The following WDR70 variants were observed in gnomAD, a reference collection of about 807,000 sequenced individuals.
The protein encoded by WDR70 is WD repeat-containing protein 70.
In WDR70, 53 loss-of-function variants were observed where a neutral mutation model predicts 88.6. That is an observed-to-expected ratio of 0.60 (90% CI 0.48 to 0.75). WDR70 has a LOEUF of 0.75. Among genes scored for constraint, WDR70 ranks in the 30% least tolerant of loss-of-function variants. The pLI is 0.00. For synonymous variants in WDR70, 280 were observed against 270.0 expected (o/e 1.04, Z -0.36); for missense variants, 610 against 823.2 (o/e 0.74, Z 3.17).
intron 9 of WDR70, among the ~76,000 whole-genome samples, chr5:37,528,799 C>A (rs1320410523): frequency 6.6e-6 from 1 of 151,928 alleles, no homozygotes; most frequent in East Asian, 1.9e-4. Context: ...TTTTGCTGTG[C>A]AGAAGGTTTT....
intron 10 of WDR70, among the ~76,000 whole-genome samples, chr5:37,618,723 A>G (rs982541072): frequency 3.3e-5 from 5 of 152,112 alleles, no homozygotes; most frequent in African/African-American, 7.2e-5. Flanking sequence ...GAGTTTGGAT[A>G]CTCTTCTGAG....
At chr5:37,677,426 T>C (rs1253869041) in intron 10 of WDR70, among the ~76,000 whole-genome samples, 1 of 152,218 alleles carries the variant, frequency 6.6e-6, no homozygotes, top group Admixed American at 6.5e-5. Flanking sequence ...GAGATTCCGG[T>C]ATGTTGTCTC....
chr5:37,513,239 G>A (rs1437622022), intron 8 of WDR70, among the ~76,000 whole-genome samples: 1 of 152,148 alleles, frequency 6.6e-6, no homozygotes, highest in Non-Finnish European at 1.5e-5. Context: ...GAACAATGTG[G>A]TGGGCCATGT....
intron 9 of WDR70, among the ~76,000 whole-genome samples, chr5:37,526,985 A>C (rs555322058): frequency 1.3e-5 from 2 of 152,242 alleles, no homozygotes; most frequent in Non-Finnish European, 2.9e-5. Flanking sequence ...GAAAGAGGAC[A>C]CAAAGAAATG....
chr5:37,416,900 G>C (rs1196775398), intron 5 of WDR70, among the ~76,000 whole-genome samples: 1 of 152,166 alleles, frequency 6.6e-6, no homozygotes, highest in Non-Finnish European at 1.5e-5. Context: ...AAGCTGAGAA[G>C]CTAATACTCC....
chr5:37,513,887 G>A (rs1020795534), intron 8 of WDR70, among the ~76,000 whole-genome samples: 1 of 151,962 alleles, frequency 6.6e-6, no homozygotes, highest in Non-Finnish European at 1.5e-5. Flanking sequence ...CACCCCCACA[G>A]ACACACCCAG....
In WDR70 at chr5:37,699,360, AGTGT is replaced by A. The variant is rs377366011; in HGVS notation, c.1192+1617_1192+1620del. On this transcript the variant is annotated intron_variant, in intron 11 of 17. Coordinates refer to ENST00000265107, the MANE Select transcript of WDR70 (RefSeq NM_018034.4). ...CACACACACACACACACACACACAC[AGTGT>A]GTGTGTGTGTATATATATGTATGTG... Among the ~76,000 whole-genome samples the A allele has an allele frequency of 2.4e-5, 3 of 125,948 alleles. No homozygotes were observed. In the South Asian group the frequency reaches 7.9e-4, roughly 33 times the overall value. The allele number at this position is 125,948 out of a possible 152,430, so 82.6% of individuals were successfully genotyped here.
At chr5:37,440,647 C>G (rs4869506) in intron 6 of WDR70, among the ~76,000 whole-genome samples, 1 of 152,172 alleles carries the variant, frequency 6.6e-6, no homozygotes, top group African/African-American at 2.4e-5. Flanking sequence ...GCCCAGCCTC[C>G]GAGCTCTGTT....
At chr5:37,473,501 C>A (rs1248164308) in intron 7 of WDR70, among the ~76,000 whole-genome samples, 2 of 151,918 alleles carry the variant, frequency 1.3e-5, no homozygotes, top group African/African-American at 4.8e-5. Context: ...TGCCATCACG[C>A]TCAGCTAATT....
intron 5 of WDR70, among the ~76,000 whole-genome samples, chr5:37,410,651 C>T (rs1749495620): frequency 6.6e-6 from 1 of 152,070 alleles, no homozygotes. Context: ...CCTGTGTCTT[C>T]TAATGCAATA....
chr5:37,674,119 T>G (rs1746121875), intron 10 of WDR70, among the ~76,000 whole-genome samples: 1 of 152,136 alleles, frequency 6.6e-6, no homozygotes, highest in African/African-American at 2.4e-5. Context: ...TTAATATTCC[T>G]TTAGATATGT....
intron 7 of WDR70, among the ~76,000 whole-genome samples, chr5:37,479,121 C>T (rs1027030260): frequency 6.6e-6 from 1 of 152,000 alleles, no homozygotes; most frequent in Non-Finnish European, 1.5e-5. Flanking sequence ...AGGTTCATTT[C>T]TACCATTGTA....
chr5:37,617,659 G>A (rs899905288), intron 10 of WDR70, among the ~76,000 whole-genome samples: 18 of 152,042 alleles, frequency 1.2e-4, no homozygotes, highest in African/African-American at 4.3e-4. Context: ...CCTTACCTTT[G>A]GATCTGTTGG....
chr5:37,712,694 A>T (rs905003596), intron 13 of WDR70, among the ~76,000 whole-genome samples: 2 of 152,062 alleles, frequency 1.3e-5, no homozygotes, highest in Non-Finnish European at 2.9e-5. Context: ...TTAAAAAAAA[A>T]CTTTTTAATT....
intron 9 of WDR70, among the ~76,000 whole-genome samples, chr5:37,533,233 G>C (rs1048185205): frequency 3.9e-5 from 6 of 152,298 alleles, no homozygotes; most frequent in Middle Eastern, 3.4e-3. Flanking sequence ...ATTTTGTGTT[G>C]GTTGGCCTCC....
In WDR70 at chr5:37,566,092, C is replaced by T. The variant is rs75020454; in HGVS notation, c.918-38972C>T. 5.9e-3 allele frequency among the ~76,000 whole-genome samples: 905 copies of T among 152,124 alleles called. 10 individuals carry two copies. Among genetic ancestry groups the T allele is most frequent in the African/African-American group, 0.021 (859 of 41,516 alleles). Reference sequence around the variant, plus strand: ...AGTTTCATCTCTCCAAAATGAAACCCTGTATTCCTTAGCAGTCACACGCCA... The same window carrying T: ...AGTTTCATCTCTCCAAAATGAAACCTTGTATTCCTTAGCAGTCACACGCCA... On this transcript the variant is annotated intron_variant, in intron 9 of 17. Transcript: ENST00000265107.
At chr5:37,699,035 G>A (rs1028155957) in intron 11 of WDR70, among the ~76,000 whole-genome samples, 1 of 152,044 alleles carries the variant, frequency 6.6e-6, no homozygotes, top group African/African-American at 2.4e-5. Context: ...CATCCCAGTA[G>A]TGTATCTGAA....
intron 9 of WDR70, among the ~76,000 whole-genome samples, chr5:37,600,996 A>G (rs1362335168): frequency 1.3e-5 from 2 of 152,150 alleles, no homozygotes; most frequent in African/African-American, 4.8e-5. Flanking sequence ...AACAGAGACA[A>G]TTTCACTTCT....
intron 8 of WDR70, among the ~76,000 whole-genome samples, chr5:37,481,942 T>G (rs369163452): frequency 6.6e-6 from 1 of 152,164 alleles, no homozygotes; most frequent in East Asian, 1.9e-4. Flanking sequence ...TTTCACTCTT[T>G]CCCGCCTATC....
Sources: gnomAD v4.1 joint callset for allele counts (sites outside exome capture counted in the v4.1 genomes callset) on GRCh38, gnomAD v4.1.1 for gene constraint, MANE v1.5 for transcripts, NCBI Gene and HGNC (gene_info 2026-07-23, HGNC 2026-07-21) for gene names.